TCTN2: variants seen among roughly 807,000 people sequenced by gnomAD.
TCTN2 encodes tectonic-2.
TCTN2 carries 66 observed loss-of-function variants against 83.4 expected under a neutral mutation model. That is an observed-to-expected ratio of 0.79 (90% CI 0.65 to 0.97). The LOEUF is 0.97. Among genes scored for constraint, TCTN2 ranks in the 50% least tolerant of loss-of-function variants. The pLI, the probability that TCTN2 is intolerant of heterozygous loss-of-function variation, is 0.00. For missense variants in TCTN2, 794 were observed against 858.1 expected (o/e 0.93, Z 0.93); for synonymous variants, 301 against 326.7 (o/e 0.92, Z 0.85).
At chr12:123,687,094 T>C in intron 6 of TCTN2, 59 bp downstream of exon 6, 1 of 1,579,226 alleles carries the variant, frequency 6.3e-7, no homozygotes, top group East Asian at 2.2e-5. Context: ...GGTGGGGCCA[T>C]ACTCTAGTAG....
At chr12:123,703,430 C>T (rs998607706) in intron 14 of TCTN2, among the ~76,000 whole-genome samples, 6 of 152,140 alleles carry the variant, frequency 3.9e-5, no homozygotes, top group Non-Finnish European at 5.9e-5. Context: ...CATCCACCCA[C>T]CTCAGCCTCC....
chr12:123,686,906 A>T lies in TCTN2; in HGVS notation c.635A>T (p.Asn212Ile), dbSNP rs139927033. Residue 212 changes from asparagine (N) to isoleucine (I), a missense_variant, in exon 6 of 18, where the codon AAT becomes ATT. By Grantham distance (149) the Asn-to-Ile change is moderately radical. Coordinates refer to ENST00000303372, the MANE Select transcript of TCTN2 (RefSeq NM_024809.5). Reference sequence around the variant, plus strand: ...ACCGGCGTGTTTGGAGGAGACGTCAATCCTCCTTTTGATCAGCTCTGCTCT... The same window carrying T: ...ACCGGCGTGTTTGGAGGAGACGTCATTCCTCCTTTTGATCAGCTCTGCTCT... ...CFTGVFGGDV[N>I]PPFDQLCSAG... 1.2e-6 allele frequency: 2 copies of T among 1,614,158 alleles called. No homozygotes were observed. The highest frequency in any genetic ancestry group is 1.6e-4 in the Middle Eastern group (1 of 6,062).
intron 6 of TCTN2, 28 bp downstream of exon 6, chr12:123,687,063 G>A (rs73418148): frequency 6.2e-7 from 1 of 1,613,718 alleles, no homozygotes; most frequent in Non-Finnish European, 8.5e-7. Context: ...CGCCTGGGAT[G>A]GGGCATTGTT....
chr12:123,688,105 CTT>C lies in TCTN2; in HGVS notation c.821_822del (p.Phe274CysfsTer43), dbSNP rs1297801753. ...EVYVDTDAKD[F>X]ADFGYKQGDP... ...TATATGTGGATACTGACGCAAAAGA[CTT>C]TGCAGACTTTGGTTACAAACAAGGA... On this transcript the variant is annotated frameshift_variant, in exon 7 of 18. Coordinates refer to ENST00000303372, the MANE Select transcript of TCTN2 (RefSeq NM_024809.5). LOFTEE classifies it high-confidence loss of function. 6.2e-7 allele frequency: 1 copy of C among 1,613,926 alleles called. No individual in the cohort carries two copies. The highest frequency in any genetic ancestry group is 1.3e-5 in the African/African-American group (1 of 74,912).
rs570821561 is a variant in TCTN2 at position 123,706,691 on chromosome 12, G to A, written c.1770-35G>A. 5 of 1,613,732 alleles carry A rather than the reference G, an allele frequency of 3.1e-6. No homozygotes were observed. In the African/African-American group the frequency reaches 5.3e-5, roughly 17 times the overall value. ...GTTCTTGGTGGAATAGAACTGAATG[G>A]TGGCTATGCTGACCATGTGATCTTT... is the stretch of plus-strand genomic sequence containing the variant. On this transcript the variant is annotated intron_variant, in intron 15 of 17. Transcript: ENST00000303372.
At position 123,699,497 on chromosome 12, in the gene TCTN2, TA is replaced by T. The variant is rs58022527; in HGVS notation, c.1506-206del. ...AGTCTAAAGTAAAAGATTGCTTCTG[TA>T]TGTTCTCCCCCAGGTGTGTGGGTCC... On this transcript the variant is annotated intron_variant, in intron 13 of 17. Transcript: ENST00000303372. Among the ~76,000 whole-genome samples, 6,379 of 152,230 alleles carry T rather than the reference TA, an allele frequency of 0.042. 228 individuals carry two copies. Among genetic ancestry groups the T allele is most frequent in the African/African-American group, 0.09 (3,748 of 41,538 alleles).
rs1593828305 is a variant in TCTN2, at chr12:123,671,987, A to G, written c.191-69A>G. On this transcript the variant is annotated intron_variant, in intron 2 of 17. Coordinates refer to ENST00000303372, the MANE Select transcript of TCTN2 (RefSeq NM_024809.5). Reference sequence around the variant, plus strand: ...GCTGTAATGTGAGTCCATCCTAGGCAGTCTGACTCAATGCACCCCCTGAGC... The same window carrying G: ...GCTGTAATGTGAGTCCATCCTAGGCGGTCTGACTCAATGCACCCCCTGAGC... 3.2e-6 allele frequency: 4 copies of G among 1,263,898 alleles called. No individual in the cohort carries two copies. In the East Asian group the frequency reaches 9.2e-5, roughly 29 times the overall value. 78.3% of individuals were successfully genotyped at this position (1,263,898 alleles called of 1,614,324 possible). A position where few individuals can be genotyped will look rare whatever the true frequency, so the allele number is the denominator to read the frequency against.
chr12:123,679,739 T>G (rs1030749523), intron 5 of TCTN2, among the ~76,000 whole-genome samples: 7 of 143,818 alleles, frequency 4.9e-5, no homozygotes, highest in African/African-American at 1.5e-4. Flanking sequence ...AAATTGAGTT[T>G]TTTTTTTTTT....
chr12:123,692,980 C>T (rs146171524), intron 9 of TCTN2, among the ~76,000 whole-genome samples: 240 of 150,432 alleles, frequency 1.6e-3, no homozygotes, highest in Non-Finnish European at 2.5e-3. Flanking sequence ...TTCCAGCTTC[C>T]GTGAACCTTT....
intron 9 of TCTN2, among the ~76,000 whole-genome samples, chr12:123,693,454 A>AT (rs59347706): frequency 0.072 from 5,706 of 79,000 alleles, 162 homozygotes; most frequent in South Asian, 0.15. Flanking sequence ...AGTTTGGCAG[A>AT]TTTTTTTTTT....
chr12:123,698,351 G>GT (rs1283386383), intron 13 of TCTN2, among the ~76,000 whole-genome samples: 1 of 149,738 alleles, frequency 6.7e-6, no homozygotes, highest in Non-Finnish European at 1.5e-5. Flanking sequence ...CTTGTTTTTT[G>GT]TTTTTTTGTT....
At chr12:123,681,491 A>G (rs1955899413) in intron 5 of TCTN2, among the ~76,000 whole-genome samples, 1 of 152,160 alleles carries the variant, frequency 6.6e-6, no homozygotes, top group East Asian at 1.9e-4. Context: ...GAATCATGCA[A>G]TATGTGGTCT....
chr12:123,673,485 A>G, intron 3 of TCTN2, 130 bp from the exon 4 acceptor site: 2 of 868,442 alleles, frequency 2.3e-6, no homozygotes. Context: ...TAACTGTGTC[A>G]TCTCTGTATA....
intron 5 of TCTN2, among the ~76,000 whole-genome samples, chr12:123,686,607 A>G (rs563192006): frequency 6.6e-6 from 1 of 152,282 alleles, no homozygotes; most frequent in Non-Finnish European, 1.5e-5. Context: ...GGTTCCCCTG[A>G]ATGCTTGGAG....
intron 5 of TCTN2, among the ~76,000 whole-genome samples, chr12:123,682,292 T>TA (rs1441345786): frequency 6.6e-6 from 1 of 152,166 alleles, no homozygotes; most frequent in South Asian, 2.1e-4. Flanking sequence ...TTTTGATTTA[T>TA]ATTTCTCTAG....
chr12:123,681,727 A>G (rs1593840975), intron 5 of TCTN2, among the ~76,000 whole-genome samples: 1 of 152,246 alleles, frequency 6.6e-6, no homozygotes, highest in East Asian at 1.9e-4. Context: ...TTTTGTGTGA[A>G]CATATGTTTC....
At chr12:123,679,313 C>A in intron 5 of TCTN2, 24 bp downstream of exon 5, 2 of 1,598,212 alleles carry the variant, frequency 1.3e-6, no homozygotes, top group South Asian at 1.1e-5. Context: ...TTATTGGGCA[C>A]AAAAGTTATG....
At position 123,707,052 on chromosome 12, in the gene TCTN2, C is replaced by T; in HGVS notation, c.1963C>T (p.Pro655Ser). Residue 655 changes from proline (P) to serine (S), a missense_variant, in exon 17 of 18, where the codon CCA becomes TCA. Physicochemically the swap from Pro to Ser is moderately conservative, Grantham distance 74 (BLOSUM62 -1). Transcript: ENST00000303372. ...GGTGTGTTGGCCGCAGCTTCTATAT[C>T]CATGGACTCAGTATTATCAAGGTAG... ...NEVCWPQLLY[P>S]WTQYYQGELH... 1 of 1,613,494 alleles carries T rather than the reference C, an allele frequency of 6.2e-7. No homozygotes were observed. The highest frequency in any genetic ancestry group is 8.5e-7 in the Non-Finnish European group (1 of 1,179,946).
intron 2 of TCTN2, 86 bp downstream of exon 2, chr12:123,671,700 GC>G: frequency 2.4e-6 from 3 of 1,225,782 alleles, no homozygotes; most frequent in African/African-American, 1.5e-5. Context: ...CATCCTTGGG[GC>G]CCCCTGCCTC....
Sources: allele counts gnomAD v4.1 joint callset (sites outside exome capture counted in the v4.1 genomes callset), GRCh38; gene constraint gnomAD v4.1.1; transcripts MANE v1.5; gene names NCBI Gene and HGNC (gene_info 2026-07-23, HGNC 2026-07-21).